Variants in CNTLN observed in about 807,000 individuals in gnomAD.
CNTLN encodes centlein, centrosomal protein.
Under a neutral mutation model 180.0 loss-of-function variants are expected in CNTLN, and 212 were observed. That is an observed-to-expected ratio of 1.18 (90% CI 1.05 to 1.32). The LOEUF (loss-of-function observed/expected upper bound fraction) is 1.32, where lower values mean the gene tolerates loss of function less well. CNTLN is among the 40% of genes most tolerant of loss of function. The pLI, the probability that CNTLN is intolerant of heterozygous loss-of-function variation, is 0.00. For synonymous variants in CNTLN, 722 were observed against 563.1 expected (o/e 1.28, Z -3.99); for missense variants, 2,095 against 1,610.9 (o/e 1.30, Z -5.14).
chr9:17,425,435 A>G (rs1424728451), intron 18 of CNTLN, among the ~76,000 whole-genome samples: 1 of 152,188 alleles, frequency 6.6e-6, no homozygotes, highest in African/African-American at 2.4e-5. Flanking sequence ...CTGTGCTGAC[A>G]CCCTGATCTT....
chr9:17,514,961 A>T, the CNTLN span, among the ~76,000 whole-genome samples: 1 of 152,236 alleles, frequency 6.6e-6, no homozygotes, highest in African/African-American at 2.4e-5. Flanking sequence ...GAAAACTAGA[A>T]GGAACCTGGG....
At chr9:17,481,082 C>T (rs1245191956) in intron 23 of CNTLN, among the ~76,000 whole-genome samples, 1 of 152,120 alleles carries the variant, frequency 6.6e-6, no homozygotes, top group South Asian at 2.1e-4. Context: ...ACGTACCCAC[C>T]CAGGCAGGGA....
chr9:17,354,182 C>T (rs1273816908), intron 12 of CNTLN, among the ~76,000 whole-genome samples: 1 of 152,198 alleles, frequency 6.6e-6, no homozygotes, highest in African/African-American at 2.4e-5. Flanking sequence ...CCGGGCAGGG[C>T]TCGGGACCTG....
intron 15 of CNTLN, among the ~76,000 whole-genome samples, chr9:17,404,194 A>G (rs887654915): frequency 2.6e-5 from 4 of 151,856 alleles, no homozygotes; most frequent in Non-Finnish European, 5.9e-5. Context: ...TAGATGATCA[A>G]TAGGCTCCGT....
intron 12 of CNTLN, among the ~76,000 whole-genome samples, chr9:17,344,021 T>C (rs1317979388): frequency 6.6e-6 from 1 of 152,212 alleles, no homozygotes; most frequent in Admixed American, 6.5e-5. Flanking sequence ...TGCTTTTATC[T>C]GATGATCTTT....
chr9:17,501,264 C>G (rs188754517), intron 25 of CNTLN, among the ~76,000 whole-genome samples: 1 of 152,214 alleles, frequency 6.6e-6, no homozygotes, highest in Admixed American at 6.5e-5. Flanking sequence ...GGAACAGACA[C>G]AGACTCAGGC....
At chr9:17,491,976 T>C (rs1368987033) in intron 25 of CNTLN, among the ~76,000 whole-genome samples, 3 of 150,720 alleles carry the variant, frequency 2.0e-5, no homozygotes, top group African/African-American at 7.5e-5. Flanking sequence ...GGTTATTTCC[T>C]GTGTTGCACT....
intron 18 of CNTLN, chr9:17,447,885 A>G (rs1459071518): frequency 1.3e-5 from 2 of 152,866 alleles, no homozygotes; most frequent in Admixed American, 6.5e-5. Context: ...CTGGTCTTTC[A>G]TATGGGAAGA....
chr9:17,169,908 A>T (rs1365610683), intron 2 of CNTLN, among the ~76,000 whole-genome samples: 1 of 152,070 alleles, frequency 6.6e-6, no homozygotes, highest in African/African-American at 2.4e-5. Context: ...TATGAATTTT[A>T]TGACTTTTTT....
chr9:17,352,251 G>T (rs1169989333), intron 12 of CNTLN, among the ~76,000 whole-genome samples: 1 of 151,754 alleles, frequency 6.6e-6, no homozygotes, highest in Non-Finnish European at 1.5e-5. Flanking sequence ...TTAAATATAT[G>T]TTGGCCATAG....
chr9:17,254,410 G>C (rs1218034546), intron 5 of CNTLN, among the ~76,000 whole-genome samples: 1 of 149,758 alleles, frequency 6.7e-6, no homozygotes, highest in Non-Finnish European at 1.5e-5. Context: ...TGCTATGTTG[G>C]GAATTTTCTA....
At chr9:17,307,801 C>G (rs1759457) in intron 7 of CNTLN, among the ~76,000 whole-genome samples, 25,137 of 151,916 alleles carry the variant, frequency 0.17, 2,271 homozygotes, top group South Asian at 0.28. Flanking sequence ...GCTTTACAAT[C>G]TTTTATGTAT....
At chr9:17,267,260 T>C (rs149535970) in intron 5 of CNTLN, among the ~76,000 whole-genome samples, 12 of 152,164 alleles carry the variant, frequency 7.9e-5, no homozygotes, top group African/African-American at 1.7e-4. Flanking sequence ...TCAGCATTTG[T>C]TTGTCTGTAA....
In CNTLN at chr9:17,457,706, TA is replaced by T; in HGVS notation, c.3300del (p.Lys1100AsnfsTer2). ...ATTTGGAAATGAAGCAATTGCAGTA[TA>T]AACTAAAGGTGATTATAAAATTTAT... ...MDLEMKQLQYKLKNATNELTK... is the reference protein window; with the variant it reads ...MDLEMKQLQYXLKNATNELTK... On this transcript the variant is annotated frameshift_variant, in exon 19 of 26. Transcript: ENST00000380647. LOFTEE classifies it high-confidence loss of function. 1 of 1,482,846 alleles carries T rather than the reference TA, an allele frequency of 6.7e-7. No homozygotes were observed. The highest frequency in any genetic ancestry group is 9.0e-7 in the Non-Finnish European group (1 of 1,112,994). 91.9% of individuals were successfully genotyped at this position (1,482,846 alleles called of 1,614,324 possible). A position where few individuals can be genotyped will look rare whatever the true frequency, so the allele number is the denominator to read the frequency against.
intron 7 of CNTLN, 107 bp from the exon 8 acceptor site, chr9:17,308,951 C>G (rs749088643): frequency 2.7e-5 from 15 of 561,866 alleles, no homozygotes; most frequent in South Asian, 9.7e-5. Context: ...AGGGCAAGAA[C>G]TGTGTTTATA....
At chr9:17,276,790 G>T (rs1292716697) in intron 6 of CNTLN, among the ~76,000 whole-genome samples, 2 of 151,894 alleles carry the variant, frequency 1.3e-5, no homozygotes, top group African/African-American at 2.4e-5. Context: ...TATATTAATA[G>T]TATCAAATAC....
At chr9:17,383,842 G>A (rs1475491665) in intron 13 of CNTLN, among the ~76,000 whole-genome samples, 6 of 151,978 alleles carry the variant, frequency 3.9e-5, no homozygotes, top group Non-Finnish European at 8.8e-5. Context: ...GTTTCACCGT[G>A]TTAGCCAGGA....
At chr9:17,527,410 T>G in the CNTLN span, among the ~76,000 whole-genome samples, 2 of 152,226 alleles carry the variant, frequency 1.3e-5, no homozygotes, top group Admixed American at 1.3e-4. Flanking sequence ...AATTTATCCT[T>G]AAATAGATAG....
chr9:17,284,760 A>T (rs199729431), intron 6 of CNTLN, among the ~76,000 whole-genome samples: 1 of 151,896 alleles, frequency 6.6e-6, no homozygotes, highest in East Asian at 1.9e-4. Flanking sequence ...ATCTCCTTCA[A>T]TTCTGCTCTG....
Sources: allele counts gnomAD v4.1 joint callset (sites outside exome capture counted in the v4.1 genomes callset), GRCh38; gene constraint gnomAD v4.1.1; transcripts MANE v1.5; gene names NCBI Gene and HGNC (gene_info 2026-07-23, HGNC 2026-07-21).